SLC39A8: variants seen among roughly 807,000 people sequenced by gnomAD.
SLC39A8 encodes the protein solute carrier family 39 member 8.
Under a neutral mutation model 40.4 loss-of-function variants are expected in SLC39A8, and 15 were observed. That is an observed-to-expected ratio of 0.37 (90% CI 0.25 to 0.57). The LOEUF (loss-of-function observed/expected upper bound fraction) is 0.57, where lower values mean the gene tolerates loss of function less well. Among genes scored for constraint, SLC39A8 ranks in the 20% least tolerant of loss-of-function variants. The pLI, the probability that SLC39A8 is intolerant of heterozygous loss-of-function variation, is 0.75. For missense variants in SLC39A8, 472 were observed against 558.8 expected (o/e 0.84, Z 1.57); for synonymous variants, 223 against 221.6 (o/e 1.01, Z -0.06).
intron 6 of SLC39A8, among the ~76,000 whole-genome samples, chr4:102,270,812 A>G (rs1732322740): frequency 6.6e-6 from 1 of 152,208 alleles, no homozygotes; most frequent in Non-Finnish European, 1.5e-5. Flanking sequence ...AAAGAATATC[A>G]TGCACCAAAG....
chr4:102,300,137 ACGTGC>A (rs1733854769), intron 6 of SLC39A8, among the ~76,000 whole-genome samples: 1 of 152,012 alleles, frequency 6.6e-6, no homozygotes, highest in African/African-American at 2.4e-5. Flanking sequence ...AAAAGCATGC[ACGTGC>A]CCACACGCAT....
In SLC39A8 at chr4:102,344,522, C is replaced by G. The variant is rs1736078254; in HGVS notation, c.141G>C (p.Gln47His). 6.4e-7 allele frequency: 1 copy of G among 1,558,726 alleles called. No homozygotes were observed. The highest frequency in any genetic ancestry group is 8.7e-7 in the Non-Finnish European group (1 of 1,151,826). Residue 47 changes from glutamine to histidine, a missense_variant, in exon 2 of 9, where the codon CAG becomes CAC. By Grantham distance (24) the Gln-to-His change is conservative. Transcript: ENST00000356736. ...FGANLSLSAA[Q>H]LQHLLEQMGA... ...CCATCTGCTCCAGCAAGTGCTGGAG[C>G]TGCGCCGCCGACAGGCTCAGATTCG... is the stretch of plus-strand genomic sequence containing the variant.
downstream of SLC39A8, among the ~76,000 whole-genome samples, chr4:102,257,552 T>G (rs547581075): frequency 6.6e-6 from 1 of 152,268 alleles, no homozygotes; most frequent in South Asian, 2.1e-4. Flanking sequence ...CTTCCTCTCT[T>G]CACTTCCTCC....
At chr4:102,337,345 T>C (rs1435154349) in intron 2 of SLC39A8, among the ~76,000 whole-genome samples, 1 of 151,934 alleles carries the variant, frequency 6.6e-6, no homozygotes, top group East Asian at 1.9e-4. Context: ...GAAAACTAAG[T>C]CCCTGCCCCT....
rs531630988 is a variant in SLC39A8 at position 102,264,019 on chromosome 4, A to G, written c.1234-826T>C. Among the ~76,000 whole-genome samples the G allele has an allele frequency of 3.9e-5, 6 of 152,178 alleles. No individual in the cohort carries two copies. In the South Asian group the frequency reaches 1.2e-3, roughly 31 times the overall value. On this transcript the variant is annotated intron_variant, in intron 8 of 8. Coordinates refer to ENST00000356736, the MANE Select transcript of SLC39A8 (RefSeq NM_001135146.2). ...CTCAAAGTCATCCATGAGGGTTGAA[A>G]TCAGCTTCTTTCCAATTTCAATTAA...
In SLC39A8 at chr4:102,271,672, C is replaced by T. The variant is rs1578561130; in HGVS notation, c.841-3593G>A. Among the ~76,000 whole-genome samples, 3 of 152,180 alleles carry T rather than the reference C, an allele frequency of 2.0e-5. No individual in the cohort carries two copies. In the East Asian group the frequency reaches 5.8e-4, roughly 29 times the overall value. On this transcript the variant is annotated intron_variant, in intron 6 of 8. Transcript: ENST00000356736. The stretch of plus-strand genomic sequence containing the variant: ...CATTATAAGGGGATGCTCTTGGACT[C>T]ACAAAGATAGACATATACAATATAT...
intron 6 of SLC39A8, among the ~76,000 whole-genome samples, chr4:102,276,537 A>T (rs1237749436): frequency 2.0e-5 from 3 of 152,212 alleles, no homozygotes; most frequent in Non-Finnish European, 4.4e-5. Context: ...AGAGAGATTC[A>T]CAGTCGAATT....
intron 2 of SLC39A8, among the ~76,000 whole-genome samples, chr4:102,323,888 C>A (rs1004606): frequency 0.036 from 5,447 of 152,184 alleles, 132 homozygotes; most frequent in Admixed American, 0.052. Flanking sequence ...ACTTTGTTGC[C>A]CCTAATAGTG....
chr4:102,274,652 A>G (rs1578564451), intron 6 of SLC39A8, among the ~76,000 whole-genome samples: 2 of 152,328 alleles, frequency 1.3e-5, no homozygotes, highest in African/African-American at 4.8e-5. Context: ...CATAATCATC[A>G]GATTCACCAA....
At chr4:102,296,603 G>A (rs1733686487) in intron 6 of SLC39A8, among the ~76,000 whole-genome samples, 1 of 152,022 alleles carries the variant, frequency 6.6e-6, no homozygotes, top group South Asian at 2.1e-4. Context: ...ATGAGCAAAG[G>A]CTCAAAGGTG....
At chr4:102,256,254 G>C (rs774889273) in intron 11 of SLC39A8, among the ~76,000 whole-genome samples, 6 of 152,202 alleles carry the variant, frequency 3.9e-5, no homozygotes, top group Non-Finnish European at 8.8e-5. Context: ...TTCTCACTCA[G>C]ATATTCCACG....
rs1208987354 is a variant in SLC39A8 at position 102,267,848 on chromosome 4, T to TACAATATGA, written c.1048+15_1048+23dup. On this transcript the variant is annotated intron_variant, in intron 7 of 8. Transcript: ENST00000356736. ...TGAAATCAAGAAGTAAGCAGACTTT[T>TACAATATGA]ACAATATGAACAGAGCTCCTTACCT... 1.9e-6 allele frequency: 3 copies of TACAATATGA among 1,611,002 alleles called. No homozygotes were observed. In the South Asian group the frequency reaches 3.3e-5, roughly 18 times the overall value.
chr4:102,254,853 G>A (rs1361101464), intron 11 of SLC39A8, among the ~76,000 whole-genome samples: 2 of 152,126 alleles, frequency 1.3e-5, no homozygotes, highest in Non-Finnish European at 2.9e-5. Context: ...TGAACTCAAG[G>A]TTGTTTAGGT....
intron 2 of SLC39A8, among the ~76,000 whole-genome samples, chr4:102,327,802 A>G (rs1735284168): frequency 6.6e-6 from 1 of 152,266 alleles, no homozygotes; most frequent in Non-Finnish European, 1.5e-5. Flanking sequence ...ATTTCAAACT[A>G]GCACACTGTG....
intron 3 of SLC39A8, among the ~76,000 whole-genome samples, chr4:102,312,305 A>G (rs2149038490): frequency 6.6e-6 from 1 of 152,104 alleles, no homozygotes; most frequent in South Asian, 2.1e-4. Flanking sequence ...CCTCATTTCA[A>G]TTCCTAAGAC....
intron 6 of SLC39A8, among the ~76,000 whole-genome samples, chr4:102,300,176 C>T (rs1733859429): frequency 6.6e-6 from 1 of 152,064 alleles, no homozygotes; most frequent in Non-Finnish European, 1.5e-5. Context: ...TTGTGCCTCA[C>T]ACTTAGTAGG....
exon 12 of SLC39A8, chr4:102,251,461 T>A (rs1337974303): frequency 3.3e-5 from 5 of 152,178 alleles, no homozygotes; most frequent in African/African-American, 9.7e-5. Flanking sequence ...GGTCTGGGCA[T>A]CTCTCTTTTC....
At chr4:102,293,918 T>C (rs1006904193) in intron 6 of SLC39A8, among the ~76,000 whole-genome samples, 3 of 151,362 alleles carry the variant, frequency 2.0e-5, no homozygotes, top group Non-Finnish European at 4.4e-5. Context: ...GTTTTTTTTT[T>C]CCAAATAGAC....
chr4:102,288,163 T>G (rs1733266513), intron 6 of SLC39A8, among the ~76,000 whole-genome samples: 1 of 152,184 alleles, frequency 6.6e-6, no homozygotes, highest in Admixed American at 6.5e-5. Flanking sequence ...TATCAGCATG[T>G]GCTCATTTCA....
Sources: gnomAD v4.1 joint callset for allele counts (sites outside exome capture counted in the v4.1 genomes callset) on GRCh38, gnomAD v4.1.1 for gene constraint, MANE v1.5 for transcripts, NCBI Gene and HGNC (gene_info 2026-07-23, HGNC 2026-07-21) for gene names.